DNAH9: variants seen among roughly 807,000 people sequenced by gnomAD.
DNAH9 encodes the protein DNAH9 variant protein.
A neutral mutation model predicts 471.6 loss-of-function variants in DNAH9; 345 were observed. The observed-to-expected ratio is 0.73, with a 90% CI of 0.67 to 0.80. The LOEUF is 0.80. DNAH9 is among the 30% of genes least tolerant of loss of function. The pLI, the probability that DNAH9 is intolerant of heterozygous loss-of-function variation, is 0.00. For synonymous variants in DNAH9, 2,093 were observed against 2,123.6 expected (o/e 0.99, Z 0.40); for missense variants, 5,407 against 5,609.2 (o/e 0.96, Z 1.15).
intron 50 of DNAH9, among the ~76,000 whole-genome samples, chr17:11,857,566 T>C (rs1971669887): frequency 6.6e-6 from 1 of 152,242 alleles, no homozygotes. Flanking sequence ...TAAATAATCT[T>C]ATATTCAGAA....
intron 35 of DNAH9, among the ~76,000 whole-genome samples, chr17:11,762,010 T>G (rs1371976808): frequency 1.3e-5 from 2 of 151,934 alleles, no homozygotes; most frequent in East Asian, 1.9e-4. Flanking sequence ...TATCCAGCAC[T>G]GAGCCCAAGA....
chr17:11,793,797 A>C, intron 42 of DNAH9, 133 bp downstream of exon 42: 1 of 776,154 alleles, frequency 1.3e-6, no homozygotes, highest in South Asian at 2.0e-5. Flanking sequence ...AAATTCTGTC[A>C]TAATTTTGCC....
chr17:11,904,363 G>C (rs140269776), intron 60 of DNAH9, among the ~76,000 whole-genome samples: 3 of 152,264 alleles, frequency 2.0e-5, no homozygotes, highest in African/African-American at 4.8e-5. Context: ...AGGCACAGTG[G>C]CTCATGCCTA....
intron 10 of DNAH9, among the ~76,000 whole-genome samples, chr17:11,641,402 C>G (rs915196435): frequency 1.4e-4 from 22 of 152,148 alleles, no homozygotes; most frequent in Non-Finnish European, 3.1e-4. Context: ...GCAGAACTAA[C>G]AAAGCATGCC....
rs74349860 is a variant in DNAH9, at chr17:11,807,377, G to T, written c.8421-355G>T. Among the ~76,000 whole-genome samples the T allele has an allele frequency of 5.9e-5, 9 of 152,252 alleles. No homozygotes were observed. In the East Asian group the frequency reaches 1.5e-3, roughly 26 times the overall value. ...TTCCGTCCCCTCTTCTTGCCCAAAAGAATTGAAGTGGGAGGTGTGGCAGGG... is the reference window on the plus strand; with the variant it reads ...TTCCGTCCCCTCTTCTTGCCCAAAATAATTGAAGTGGGAGGTGTGGCAGGG... On this transcript the variant is annotated intron_variant, in intron 43 of 68. Transcript: ENST00000262442.
chr17:11,901,466 C>T lies in DNAH9; in HGVS notation c.11407-1253C>T, dbSNP rs188265680. Among the ~76,000 whole-genome samples, 39 of 152,154 alleles carry T rather than the reference C, an allele frequency of 2.6e-4. 1 individual carries two copies. In the East Asian group the frequency reaches 7.4e-3, roughly 29 times the overall value. On this transcript the variant is annotated intron_variant, in intron 59 of 68. Transcript: ENST00000262442. Reference sequence around the variant, plus strand: ...ATCCCAACTCTTTGGGAGGTCGAGGCGGGTGGATCGCCTGAGGTCAGGAGT... The same window carrying T: ...ATCCCAACTCTTTGGGAGGTCGAGGTGGGTGGATCGCCTGAGGTCAGGAGT...
chr17:11,947,085 A>G (rs1289196273), intron 67 of DNAH9, among the ~76,000 whole-genome samples: 1 of 152,242 alleles, frequency 6.6e-6, no homozygotes, highest in Non-Finnish European at 1.5e-5. Flanking sequence ...AAAGTGGTAA[A>G]GGAAGGCATC....
intron 36 of DNAH9, among the ~76,000 whole-genome samples, chr17:11,766,658 G>T (rs1967947149): frequency 6.6e-6 from 1 of 152,196 alleles, no homozygotes; most frequent in Admixed American, 6.5e-5. Context: ...AGATACCATG[G>T]AGTGGAATTA....
chr17:11,672,513 C>T (rs2073987797), intron 17 of DNAH9, among the ~76,000 whole-genome samples: 1 of 152,148 alleles, frequency 6.6e-6, no homozygotes, highest in Non-Finnish European at 1.5e-5. Flanking sequence ...ACCATCTTCC[C>T]TCAAAATCAC....
chr17:11,704,516 T>C lies in DNAH9; in HGVS notation c.5391+74T>C, dbSNP rs1262568089. 3 of 1,541,804 alleles carry C rather than the reference T, an allele frequency of 1.9e-6. No homozygotes were observed. In the East Asian group the frequency reaches 6.8e-5, roughly 35 times the overall value. On this transcript the variant is annotated intron_variant, in intron 25 of 68. Transcript: ENST00000262442. ...GAGAACAGCACATACAGCCAAAATA[T>C]GGGGGCCCCAGGGTCTGTACAGCAC...
intron 35 of DNAH9, among the ~76,000 whole-genome samples, chr17:11,759,743 A>G (rs942089756): frequency 2.7e-5 from 4 of 148,546 alleles, no homozygotes; most frequent in African/African-American, 5.0e-5. Flanking sequence ...CTGGAGTGCA[A>G]TGGCGTGATC....
rs1289663441 is a variant in DNAH9, at chr17:11,961,891, A to G, written c.12868A>G (p.Met4290Val). The G allele has an allele frequency of 2.5e-6, 4 of 1,611,648 alleles. No individual in the cohort carries two copies. Among genetic ancestry groups the G allele is most frequent in the South Asian group, 1.1e-5 (1 of 90,902 alleles). The change falls in exon 68 of 69, where the codon ATG becomes GTG. Residue 4290 changes from methionine to valine, a missense_variant. Met to Val is a conservative substitution (Grantham distance 21). Coordinates refer to ENST00000262442, the MANE Select transcript of DNAH9 (RefSeq NM_001372.4). The part of the protein sequence containing the change: ...LKGELTMTSH[M>V]ENLQNALYFD... ...GGGGGAGCTGACTATGACCAGCCAC[A>G]TGGAGAACTTACAGAATGCCCTGTA...
At chr17:11,883,161 A>AT (rs966681817) in intron 55 of DNAH9, 125 of 989,308 alleles carry the variant, frequency 1.3e-4, no homozygotes, top group African/African-American at 5.4e-4. Flanking sequence ...GATTCTGCTG[A>AT]TTTTTTTTTA....
Position 11,854,127 on chromosome 17 carries a change from C to A in DNAH9, c.9632C>A (p.Ala3211Asp). The A allele has an allele frequency of 6.2e-7, 1 of 1,614,152 alleles. No homozygotes were observed. Among genetic ancestry groups the A allele is most frequent in the Non-Finnish European group, 8.5e-7 (1 of 1,180,036 alleles). ...CCCAAGGACCGGAGCTGGAAGGCTG[C>A]TAAGGTCACCATGGCCAAAGTGGAT... is the stretch of plus-strand genomic sequence containing the variant. Reference protein sequence around the residue: ...RVPKDRSWKAAKVTMAKVDGF... With the variant: ...RVPKDRSWKADKVTMAKVDGF... Residue 3211 changes from alanine (A) to aspartate (D), a missense_variant, in exon 50 of 69, where the codon GCT becomes GAT. This residue lies in a region of DNAH9 where 4,636 missense variants were observed against 4,900.3 expected (regional missense o/e 0.95). Coordinates refer to ENST00000262442, the MANE Select transcript of DNAH9 (RefSeq NM_001372.4).
intron 48 of DNAH9, among the ~76,000 whole-genome samples, chr17:11,827,698 T>TTTC (rs1428887376): frequency 6.6e-6 from 1 of 152,030 alleles, no homozygotes; most frequent in Non-Finnish European, 1.5e-5. Context: ...TTTTTTTTTT[T>TTTC]TTCTTGAGAT....
At position 11,883,062 on chromosome 17, in the gene DNAH9, A is replaced by T. The variant is rs189900256; in HGVS notation, c.10807-524A>T. Reference sequence around the variant, plus strand: ...GAGCATAAAGAGAGGAAGAGATGAGATCCACTTGGATACCAGCACCCCACT... The same window carrying T: ...GAGCATAAAGAGAGGAAGAGATGAGTTCCACTTGGATACCAGCACCCCACT... On this transcript the variant is annotated intron_variant, in intron 55 of 68. Transcript: ENST00000262442. 7.1e-6 allele frequency: 7 copies of T among 987,372 alleles called. No individual in the cohort carries two copies. In the African/African-American group the frequency reaches 1.2e-4, roughly 17 times the overall value. 61.2% of individuals were successfully genotyped at this position (987,372 alleles called of 1,614,324 possible). A position where few individuals can be genotyped will look rare whatever the true frequency, so the allele number is the denominator to read the frequency against.
intron 67 of DNAH9, among the ~76,000 whole-genome samples, chr17:11,947,863 C>A (rs1445735784): frequency 1.4e-5 from 2 of 143,742 alleles, no homozygotes; most frequent in African/African-American, 5.2e-5. Flanking sequence ...CTCACTGCAA[C>A]CTCTGTCTCC....
intron 17 of DNAH9, among the ~76,000 whole-genome samples, chr17:11,675,992 A>G (rs2074043018): frequency 6.6e-6 from 1 of 151,994 alleles, no homozygotes; most frequent in African/African-American, 2.4e-5. Flanking sequence ...AGTTGGTGTA[A>G]TCTTGAAATT....
intron 26 of DNAH9, among the ~76,000 whole-genome samples, 154 bp from the exon 27 acceptor site, chr17:11,719,180 A>T (rs2075012718): frequency 6.6e-6 from 1 of 152,032 alleles, no homozygotes; most frequent in Admixed American, 6.5e-5. Context: ...CCCGCTAAAG[A>T]GTCCTCCCCA....
Sources: gnomAD v4.1 joint callset for allele counts (sites outside exome capture counted in the v4.1 genomes callset) on GRCh38, gnomAD v4.1.1 for gene constraint, gnomAD v4.1.1 regional missense constraint, MANE v1.5 for transcripts, NCBI Gene and HGNC (gene_info 2026-07-23, HGNC 2026-07-21) for gene names.